The following SH3D19 variants were observed in gnomAD, a reference collection of about 807,000 sequenced individuals.
The protein encoded by SH3D19 is SH3 domain-containing protein 19.
SH3D19 carries 58 observed loss-of-function variants against 112.1 expected under a neutral mutation model. The observed-to-expected ratio is 0.52, with a 90% CI of 0.42 to 0.64. SH3D19 has a LOEUF of 0.64. Ranked by LOEUF, SH3D19 falls within the 30% of genes least tolerant of loss-of-function variation. The pLI is 0.00. For missense variants in SH3D19, 1,090 were observed against 1,263.4 expected, an observed-to-expected ratio of 0.86 and a Z score of 2.08; for synonymous variants, 391 against 448.5, an observed-to-expected ratio of 0.87 and a Z score of 1.62.
At chr4:151,258,553 G>C (rs1772120102) in intron 1 of SH3D19, among the ~76,000 whole-genome samples, 1 of 152,212 alleles carries the variant, frequency 6.6e-6, no homozygotes, top group African/African-American at 2.4e-5. Flanking sequence ...AGCGAGCCCT[G>C]CTCCTTCCAA....
chr4:151,247,627 T>A (rs768807993), intron 1 of SH3D19, among the ~76,000 whole-genome samples: 86 of 152,204 alleles, frequency 5.7e-4, no homozygotes, highest in Non-Finnish European at 1.8e-4. Context: ...TTCCCATCAC[T>A]CTAGAAAGAT....
rs780465146 is a variant in SH3D19, at chr4:151,132,387, C to T, written c.2690-4G>A. The T allele has an allele frequency of 6.2e-7, 1 of 1,613,072 alleles. No individual in the cohort carries two copies. Among genetic ancestry groups the T allele is most frequent in the Non-Finnish European group, 8.5e-7 (1 of 1,179,518 alleles). On this transcript the variant is annotated splice_polypyrimidine_tract_variant and splice_region_variant and intron_variant, in intron 16 of 19. Coordinates refer to ENST00000604030, the MANE Select transcript of SH3D19 (RefSeq NM_001378122.1). ...GTTTTCAGTGGTACCTTTGTGCCTA[C>T]ATTAAAAAAACAAACAAACACAAGA...
intron 1 of SH3D19, chr4:151,282,209 A>T (rs1224121063): frequency 1.2e-6 from 2 of 1,613,956 alleles, no homozygotes; most frequent in Admixed American, 3.3e-5. Flanking sequence ...TGACTCAAGG[A>T]AACGTGTGAA....
chr4:151,155,515 A>T (rs1043975023), intron 9 of SH3D19, among the ~76,000 whole-genome samples: 6 of 152,158 alleles, frequency 3.9e-5, no homozygotes, highest in African/African-American at 1.4e-4. Flanking sequence ...TTTGAACTGA[A>T]AATTTGGTTC....
In SH3D19 at chr4:151,280,041, G is replaced by C. The variant is rs549384070; in HGVS notation, c.112+45200C>G. 8.9e-6 allele frequency: 7 copies of C among 783,118 alleles called. 1 individual carries two copies. The South Asian group carries it at 1.1e-4, about 13-fold the overall frequency. 48.5% of individuals were successfully genotyped at this position (783,118 alleles called of 1,614,324 possible). On this transcript the variant is annotated intron_variant, in intron 1 of 19. Transcript: ENST00000604030. ...TTCATGAATGAACCAAAAGACAAAT[G>C]AAAGTGGTAAAATAGGCAGGGCGGA...
At chr4:151,298,599 G>A (rs980792568) in intron 1 of SH3D19, among the ~76,000 whole-genome samples, 5 of 152,026 alleles carry the variant, frequency 3.3e-5, no homozygotes, top group African/African-American at 4.8e-5. Flanking sequence ...TGCTGAATAG[G>A]CAGTCTAGAG....
At chr4:151,129,526 C>T (rs1230811932) in intron 17 of SH3D19, among the ~76,000 whole-genome samples, 2 of 152,182 alleles carry the variant, frequency 1.3e-5, no homozygotes, top group African/African-American at 2.4e-5. Flanking sequence ...CACACCACCA[C>T]ACCCAGCTAA....
chr4:151,158,842 A>T (rs916138439), intron 9 of SH3D19, among the ~76,000 whole-genome samples: 3 of 152,128 alleles, frequency 2.0e-5, no homozygotes, highest in African/African-American at 7.2e-5. Flanking sequence ...TTTCAGATTT[A>T]AAAATTCTTA....
intron 1 of SH3D19, among the ~76,000 whole-genome samples, chr4:151,240,202 T>G (rs1770448429): frequency 6.6e-6 from 1 of 151,904 alleles, no homozygotes; most frequent in African/African-American, 2.4e-5. Flanking sequence ...TCCAGGAGTT[T>G]GAGACCAGCT....
chr4:151,133,155 A>G lies in SH3D19; in HGVS notation c.2568T>C (p.Ile856=). The G allele has an allele frequency of 6.2e-7, 1 of 1,614,156 alleles. No individual in the cohort carries two copies. Among genetic ancestry groups the G allele is most frequent in the South Asian group, 1.1e-5 (1 of 91,080 alleles). ...ATTCCTCATTCACATACTCTTTAAG[A>G]ATAATAATTTCTCCCTCTGAGAAAC... is the stretch of plus-strand genomic sequence containing the variant. The part of the protein sequence containing the change: ...ELSFSEGEII[I]LKEYVNEEWA... Residue 856 remains isoleucine, a synonymous_variant, in exon 16 of 20, where the codon ATT becomes ATC. Transcript: ENST00000604030.
At chr4:151,143,836 G>A in intron 12 of SH3D19, 74 bp downstream of exon 12, 1 of 1,460,852 alleles carries the variant, frequency 6.8e-7, no homozygotes, top group Non-Finnish European at 9.2e-7. Flanking sequence ...ACCTGAAGAT[G>A]AGATATAATT....
At chr4:151,319,452 G>C (rs1730327060) in intron 1 of SH3D19, among the ~76,000 whole-genome samples, 1 of 152,162 alleles carries the variant, frequency 6.6e-6, no homozygotes, top group Non-Finnish European at 1.5e-5. Flanking sequence ...AAATAAATTA[G>C]ACAACTTTGG....
chr4:151,230,421 G>A (rs2149955790), intron 1 of SH3D19, among the ~76,000 whole-genome samples: 1 of 152,218 alleles, frequency 6.6e-6, no homozygotes, highest in East Asian at 1.9e-4. Context: ...ATTTAGCTTT[G>A]ATCACTTAAC....
At chr4:151,211,270 C>CAA (rs541426168) in intron 2 of SH3D19, among the ~76,000 whole-genome samples, 4 of 103,862 alleles carry the variant, frequency 3.9e-5, no homozygotes, top group African/African-American at 6.9e-5. Context: ...AACTCCATCT[C>CAA]AAAAAAAAAA....
At chr4:151,224,977 T>G (rs895160292) in intron 2 of SH3D19, among the ~76,000 whole-genome samples, 2 of 152,208 alleles carry the variant, frequency 1.3e-5, no homozygotes, top group African/African-American at 4.8e-5. Context: ...AATTTTAACA[T>G]ATGTAAATTG....
intron 2 of SH3D19, among the ~76,000 whole-genome samples, chr4:151,197,399 C>T (rs958981623): frequency 1.4e-4 from 21 of 152,182 alleles, no homozygotes; most frequent in African/African-American, 5.1e-4. Flanking sequence ...GATAGTTGCA[C>T]GGCATGGGTG....
chr4:151,303,647 C>A (rs1199967588), intron 1 of SH3D19, among the ~76,000 whole-genome samples: 1 of 152,110 alleles, frequency 6.6e-6, no homozygotes, highest in Non-Finnish European at 1.5e-5. Flanking sequence ...CAGAACGGTG[C>A]AGTAAAGCTA....
chr4:151,283,307 AT>A (rs754526340), intron 1 of SH3D19: 125 of 1,594,110 alleles, frequency 7.8e-5, no homozygotes, highest in Admixed American at 1.7e-4. Flanking sequence ...GCTCTAGAGA[AT>A]TTTTTTTTAA....
intron 2 of SH3D19, among the ~76,000 whole-genome samples, chr4:151,211,574 AATT>A (rs1765977522): frequency 1.2e-5 from 1 of 80,778 alleles, no homozygotes; most frequent in Non-Finnish European, 4.2e-5. Flanking sequence ...CAAATCTGTT[AATT>A]AAAAAAAAAA....
Sources: gnomAD v4.1 joint callset for allele counts (sites outside exome capture counted in the v4.1 genomes callset) on GRCh38, gnomAD v4.1.1 for gene constraint, MANE v1.5 for transcripts, NCBI Gene and HGNC (gene_info 2026-07-23, HGNC 2026-07-21) for gene names.